The following RAPGEF1 variants were observed in gnomAD, a reference collection of about 807,000 sequenced individuals.
RAPGEF1 encodes CRK SH3-binding GNRP.
Under a neutral mutation model 143.3 loss-of-function variants are expected in RAPGEF1, and 33 were observed. The observed-to-expected ratio is 0.23, with a 90% CI of 0.17 to 0.31. The LOEUF is 0.31. Among genes scored for constraint, RAPGEF1 ranks in the 10% least tolerant of loss-of-function variants. The pLI, the probability that RAPGEF1 is intolerant of heterozygous loss-of-function variation, is 1.00. For synonymous variants in RAPGEF1, 629 were observed against 676.5 expected (o/e 0.93, Z 1.09); for missense variants, 1,199 against 1,645.4 (o/e 0.73, Z 4.69).
At chr9:131,638,522 G>T in intron 5 of RAPGEF1, 113 bp downstream of exon 5, 2 of 1,228,600 alleles carry the variant, frequency 1.6e-6, no homozygotes, top group Non-Finnish European at 2.3e-6. Flanking sequence ...CACCAGAGAC[G>T]CAGAAAGACA....
intron 1 of RAPGEF1, among the ~76,000 whole-genome samples, chr9:131,686,369 A>G (rs563994978): frequency 6.6e-6 from 1 of 152,288 alleles, no homozygotes; most frequent in African/African-American, 2.4e-5. Context: ...GCTGAAGACA[A>G]CTGGCTCTGT....
At chr9:131,724,804 G>A (rs980622597) in intron 1 of RAPGEF1, among the ~76,000 whole-genome samples, 1 of 152,186 alleles carries the variant, frequency 6.6e-6, no homozygotes, top group East Asian at 1.9e-4. Flanking sequence ...TTGTGATTCT[G>A]TTCTCCCTTG....
At chr9:131,637,147 C>T (rs1041570163) in intron 5 of RAPGEF1, among the ~76,000 whole-genome samples, 1 of 151,858 alleles carries the variant, frequency 6.6e-6, no homozygotes, top group Non-Finnish European at 1.5e-5. Context: ...ATCACTTGAA[C>T]CCAGGAGGCA....
intron 1 of RAPGEF1, among the ~76,000 whole-genome samples, chr9:131,732,292 T>C (rs918440207): frequency 1.1e-4 from 17 of 151,560 alleles, no homozygotes; most frequent in Non-Finnish European, 2.4e-4. Flanking sequence ...ATGGTGCTCA[T>C]TATGGGTGTC....
At chr9:131,596,837 C>A (rs892065471) in intron 16 of RAPGEF1, among the ~76,000 whole-genome samples, 1 of 152,184 alleles carries the variant, frequency 6.6e-6, no homozygotes, top group Admixed American at 6.5e-5. Context: ...CTGCAGCAAG[C>A]GGCCCTACAT....
At chr9:131,682,466 A>G (rs1832996499) in intron 1 of RAPGEF1, among the ~76,000 whole-genome samples, 1 of 152,242 alleles carries the variant, frequency 6.6e-6, no homozygotes, top group Admixed American at 6.5e-5. Flanking sequence ...AAAAGGTTCC[A>G]ACAGGAGTCT....
intron 5 of RAPGEF1, 32 bp from the exon 6 acceptor site, chr9:131,630,356 G>T (rs1964510097): frequency 6.2e-7 from 1 of 1,606,206 alleles, no homozygotes; most frequent in African/African-American, 1.3e-5. Context: ...AATGAGCAAA[G>T]CTCCCGTCAC....
intron 10 of RAPGEF1, among the ~76,000 whole-genome samples, 175 bp from the exon 11 acceptor site, chr9:131,622,173 C>T (rs982603470): frequency 3.9e-5 from 6 of 152,142 alleles, no homozygotes; most frequent in African/African-American, 7.2e-5. Flanking sequence ...CTGTCTGATG[C>T]GCTAACGGAG....
chr9:131,586,792 TCAAACACACACA>T (rs1953017907), intron 22 of RAPGEF1, among the ~76,000 whole-genome samples: 4 of 30,380 alleles, frequency 1.3e-4, no homozygotes, highest in Admixed American at 4.1e-4. Flanking sequence ...CGAGACTCCG[TCAAACACACACA>T]CACACACACA....
chr9:131,723,906 A>G (rs964083894), intron 1 of RAPGEF1, among the ~76,000 whole-genome samples: 4 of 152,156 alleles, frequency 2.6e-5, no homozygotes, highest in African/African-American at 7.2e-5. Flanking sequence ...ACAGCGCACA[A>G]GTGTTCAGAT....
intron 1 of RAPGEF1, among the ~76,000 whole-genome samples, chr9:131,713,640 G>T (rs1355148079): frequency 6.6e-6 from 1 of 152,086 alleles, no homozygotes; most frequent in African/African-American, 2.4e-5. Context: ...TTCATGGGTA[G>T]TTTAAAGGTT....
intron 12 of RAPGEF1, among the ~76,000 whole-genome samples, chr9:131,614,649 T>A (rs1230750771): frequency 6.6e-6 from 1 of 152,218 alleles, no homozygotes; most frequent in South Asian, 2.1e-4. Flanking sequence ...CGCCATGGCA[T>A]GGGGACTGAG....
chr9:131,592,204 A>C (rs1293808934), intron 17 of RAPGEF1, 21 bp from the exon 18 acceptor site: 1 of 1,567,928 alleles, frequency 6.4e-7, no homozygotes, highest in Admixed American at 1.7e-5. Flanking sequence ...AAAACAATGC[A>C]AACTGCTTGT....
intron 1 of RAPGEF1, among the ~76,000 whole-genome samples, chr9:131,669,891 G>A (rs1025833321): frequency 6.6e-6 from 1 of 152,124 alleles, no homozygotes; most frequent in African/African-American, 2.4e-5. Flanking sequence ...CTATGTACAG[G>A]GAGTTGTATC....
intron 18 of RAPGEF1, among the ~76,000 whole-genome samples, chr9:131,590,845 C>T (rs1473676632): frequency 6.6e-6 from 1 of 152,240 alleles, no homozygotes; most frequent in Non-Finnish European, 1.5e-5. Context: ...CAGCAGGGGG[C>T]AAGCAGCGTG....
chr9:131,621,687 C>T lies in RAPGEF1; in HGVS notation c.1905+109G>A. On this transcript the variant is annotated intron_variant, in intron 11 of 26. Transcript: ENST00000683357. This position sits in a 1 kb window ranked among gnomAD's most constrained non-coding sequence, Gnocchi z 4.5. The stretch of plus-strand genomic sequence containing the variant: ...TGCCTTCCACGCCCAAAACCAGGGC[C>T]CTGCCACAGCAGGGAGGAGGGTTAA... 1 of 1,171,842 alleles carries T rather than the reference C, an allele frequency of 8.5e-7. No homozygotes were observed. The highest frequency in any genetic ancestry group is 2.2e-5 in the Admixed American group (1 of 45,826). The allele number at this position is 1,171,842 out of a possible 1,614,324, so 72.6% of individuals were successfully genotyped here.
chr9:131,646,574 C>T (rs1969701554), intron 3 of RAPGEF1, among the ~76,000 whole-genome samples: 1 of 152,162 alleles, frequency 6.6e-6, no homozygotes. Flanking sequence ...CCCTCCTCTC[C>T]AGACAGTTCT....
intron 1 of RAPGEF1, 25 bp downstream of exon 1, chr9:131,739,745 G>T: frequency 2.7e-6 from 3 of 1,130,982 alleles, no homozygotes; most frequent in Non-Finnish European, 3.3e-6. Flanking sequence ...CGGCCGGAGG[G>T]AGCCGCCCCA....
intron 17 of RAPGEF1, 113 bp downstream of exon 17, chr9:131,596,185 G>T: frequency 1.0e-6 from 1 of 971,712 alleles, no homozygotes; most frequent in South Asian, 1.4e-5. Flanking sequence ...CAGGACTGCT[G>T]ATCAGACCTG....
Sources: gnomAD v4.1 joint callset for allele counts (sites outside exome capture counted in the v4.1 genomes callset) on GRCh38, gnomAD v4.1.1 for gene constraint, Gnocchi (gnomAD v3.1) non-coding constraint, MANE v1.5 for transcripts, NCBI Gene and HGNC (gene_info 2026-07-23, HGNC 2026-07-21) for gene names.